Variants in DNAH2 observed in about 807,000 individuals in gnomAD.
DNAH2 encodes the protein axonemal beta dynein heavy chain 2.
DNAH2 carries 323 observed loss-of-function variants against 523.5 expected under a neutral mutation model. The ratio of observed to expected loss-of-function variants is 0.62; its 90% CI spans 0.56 to 0.68. The LOEUF (loss-of-function observed/expected upper bound fraction) is 0.68, where lower values mean the gene tolerates loss of function less well. Ranked by LOEUF, DNAH2 falls within the 30% of genes least tolerant of loss-of-function variation. The pLI, the probability that DNAH2 is intolerant of heterozygous loss-of-function variation, is 0.00. For missense variants in DNAH2, 4,907 were observed against 5,701.5 expected, an observed-to-expected ratio of 0.86 and a Z score of 4.49; for synonymous variants, 2,093 against 2,177.4, an observed-to-expected ratio of 0.96 and a Z score of 1.08.
chr17:7,755,413 C>A (rs1162042818), intron 12 of DNAH2, among the ~76,000 whole-genome samples: 1 of 152,088 alleles, frequency 6.6e-6, no homozygotes, highest in Non-Finnish European at 1.5e-5. Flanking sequence ...TTAGCCAGCA[C>A]TGGCGTTTTG....
At chr17:7,746,843 C>T (rs1484524181) in intron 12 of DNAH2, among the ~76,000 whole-genome samples, 1 of 152,066 alleles carries the variant, frequency 6.6e-6, no homozygotes, top group East Asian at 1.9e-4. Context: ...AAAAATTAGC[C>T]AGGCATGGTG....
Position 7,780,322 on chromosome 17 carries a change from T to C in DNAH2, c.5850+38T>C, listed in dbSNP as rs1317795396. The C allele has an allele frequency of 6.2e-7, 1 of 1,613,534 alleles. No individual in the cohort carries two copies. The highest frequency in any genetic ancestry group is 1.3e-5 in the African/African-American group (1 of 74,974). On this transcript the variant is annotated intron_variant, in intron 37 of 85. Coordinates refer to ENST00000572933, the MANE Select transcript of DNAH2 (RefSeq NM_020877.5). The surrounding 1 kb of genome is among the most constrained non-coding windows in gnomAD (Gnocchi z 4.4). ...CCCCTTTTCTCCAGTGATTTTAATTTCCTTTCATAATTATTCCCTGGACAG... is the reference window on the plus strand; with the variant it reads ...CCCCTTTTCTCCAGTGATTTTAATTCCCTTTCATAATTATTCCCTGGACAG...
At position 7,798,885 on chromosome 17, in the gene DNAH2, G is replaced by A. The variant is rs2077143377; in HGVS notation, c.8559+167G>A. Among the ~76,000 whole-genome samples the A allele has an allele frequency of 6.6e-6, 1 of 152,202 alleles. No homozygotes were observed. Among genetic ancestry groups the A allele is most frequent in the South Asian group, 2.1e-4 (1 of 4,826 alleles). ...AGGTCCCCTCCAGGGACCCTGGGCA[G>A]AGCTGCTTTAAAACCCACGCTTCAG... On this transcript the variant is annotated intron_variant, in intron 55 of 85. Coordinates refer to ENST00000572933, the MANE Select transcript of DNAH2 (RefSeq NM_020877.5). This position sits in a 1 kb window ranked among gnomAD's most constrained non-coding sequence, Gnocchi z 5.5.
At chr17:7,731,904 T>A (rs1216554326) in intron 4 of DNAH2, among the ~76,000 whole-genome samples, 4 of 151,540 alleles carry the variant, frequency 2.6e-5, no homozygotes, top group African/African-American at 9.7e-5. Flanking sequence ...TGGCACATGC[T>A]TGTAATCCTA....
chr17:7,731,678 A>G lies in DNAH2; in HGVS notation c.400-1409A>G, dbSNP rs574673992. 9.9e-5 allele frequency among the ~76,000 whole-genome samples: 15 copies of G among 152,264 alleles called. No individual in the cohort carries two copies. The South Asian group carries it at 3.1e-3, about 32-fold the overall frequency. ...CTTTGTAGTTTTCTGCATTGTTTCA[A>G]TTATTTATATTTAACGTATGTCATC... On this transcript the variant is annotated intron_variant, in intron 4 of 85. Coordinates refer to ENST00000572933, the MANE Select transcript of DNAH2 (RefSeq NM_020877.5).
chr17:7,727,627 A>T (rs956765643), intron 4 of DNAH2, among the ~76,000 whole-genome samples: 1 of 151,944 alleles, frequency 6.6e-6, no homozygotes. Context: ...GTGGTGGTGC[A>T]CACCTGTAAT....
At chr17:7,726,002 ATTTG>A (rs1042121506) in intron 3 of DNAH2, among the ~76,000 whole-genome samples, 8 of 151,408 alleles carry the variant, frequency 5.3e-5, no homozygotes, top group East Asian at 1.9e-4. Context: ...TCCTTTATTT[ATTTG>A]TTTGTTTATT....
At position 7,780,827 on chromosome 17, in the gene DNAH2, G is replaced by A. The variant is rs777140447; in HGVS notation, c.6003+45G>A. The A allele has an allele frequency of 1.2e-6, 2 of 1,612,458 alleles. No individual in the cohort carries two copies. Among genetic ancestry groups the A allele is most frequent in the Non-Finnish European group, 1.7e-6 (2 of 1,179,224 alleles). On this transcript the variant is annotated intron_variant, in intron 38 of 85. Transcript: ENST00000572933. The surrounding 1 kb of genome is among the most constrained non-coding windows in gnomAD (Gnocchi z 4.4). ...TTTGGACCTGACTTCCACTGTCACT[G>A]GACCTATGTCACTTCTCTCAAGTCT...
At chr17:7,818,216 G>T in intron 68 of DNAH2, 96 bp from the exon 69 acceptor site, 1 of 1,595,928 alleles carries the variant, frequency 6.3e-7, no homozygotes, top group African/African-American at 1.3e-5. Context: ...GGGGCCTTAG[G>T]ACAGGCTGAG....
In DNAH2 at chr17:7,828,238, T is replaced by G. The variant is rs1344805242; in HGVS notation, c.11854-2062T>G. 2.0e-5 allele frequency among the ~76,000 whole-genome samples: 3 copies of G among 152,130 alleles called. No homozygotes were observed. Among genetic ancestry groups the G allele is most frequent in the South Asian group, 4.1e-4 (2 of 4,834 alleles). On this transcript the variant is annotated intron_variant, in intron 77 of 85. Coordinates refer to ENST00000572933, the MANE Select transcript of DNAH2 (RefSeq NM_020877.5). The surrounding 1 kb of genome is among the most constrained non-coding windows in gnomAD (Gnocchi z 4.1). ...CATGCTGATATACTTTAGTCTTAAT[T>G]ACCATATAGCTTTATAATAATTCTT...
chr17:7,764,325 G>A (rs1184996183), intron 20 of DNAH2, 52 bp downstream of exon 20: 11 of 1,555,318 alleles, frequency 7.1e-6, no homozygotes, highest in Non-Finnish European at 9.6e-6. Flanking sequence ...GCAGCAGATT[G>A]CGGGGGAGGC....
chr17:7,830,583 C>G (rs1049868018), intron 78 of DNAH2, 75 bp from the exon 79 acceptor site: 10 of 1,606,790 alleles, frequency 6.2e-6, no homozygotes, highest in Non-Finnish European at 7.7e-6. Flanking sequence ...GGACACAAAG[C>G]CTGTGTTGAA....
At chr17:7,804,520 G>A (rs1567728259) in intron 59 of DNAH2, 54 bp downstream of exon 59, 1 of 1,587,114 alleles carries the variant, frequency 6.3e-7, no homozygotes, top group Non-Finnish European at 8.6e-7. Context: ...GCCGGCTACT[G>A]CGTCAGGGAA....
At position 7,739,812 on chromosome 17, in the gene DNAH2, G is replaced by A; in HGVS notation, c.1250G>A (p.Gly417Glu). 2 of 1,613,892 alleles carry A rather than the reference G, an allele frequency of 1.2e-6. No individual in the cohort carries two copies. The highest frequency in any genetic ancestry group is 1.3e-5 in the African/African-American group (1 of 74,942). Reference sequence around the variant, plus strand: ...CTTCCTTGCTTCTTTGGTGCCCAGGGGCCACAGATAACACGGAACTTGCTG... The same window carrying A: ...CTTCCTTGCTTCTTTGGTGCCCAGGAGCCACAGATAACACGGAACTTGCTG... Reference protein sequence around the residue: ...GPLPCFFGAQGPQITRNLLEI... With the variant: ...GPLPCFFGAQEPQITRNLLEI... The change falls in exon 9 of 86, where the codon GGG (glycine) becomes GAG (glutamate). Residue 417 changes from glycine to glutamate, a missense_variant. This residue lies in a region of DNAH2 where 2,806 missense variants were observed against 3,190.8 expected (regional missense o/e 0.88). Coordinates refer to ENST00000572933, the MANE Select transcript of DNAH2 (RefSeq NM_020877.5).
At position 7,817,900 on chromosome 17, in the gene DNAH2, C is replaced by T. The variant is rs754182711; in HGVS notation, c.10236+44C>T. On this transcript the variant is annotated intron_variant, in intron 67 of 85. Transcript: ENST00000572933. ...AGGTTAGCCCCCCCCTTCCTGAGGC[C>T]CCACCTCTCCCGTAGTGTTCCTTCA... The T allele has an allele frequency of 1.9e-5, 31 of 1,613,992 alleles. No individual in the cohort carries two copies. In the South Asian group the frequency reaches 2.7e-4, roughly 14 times the overall value.
intron 44 of DNAH2, among the ~76,000 whole-genome samples, chr17:7,790,001 C>T (rs775412540): frequency 2.0e-5 from 3 of 152,172 alleles, no homozygotes; most frequent in Non-Finnish European, 2.9e-5. Flanking sequence ...TCTCCACCCA[C>T]GGGCCTGTGT....
At chr17:7,741,762 C>T (rs537490865) in intron 11 of DNAH2, among the ~76,000 whole-genome samples, 1 of 151,886 alleles carries the variant, frequency 6.6e-6, no homozygotes, top group South Asian at 2.1e-4. Flanking sequence ...CCTCCCAGGT[C>T]CAAGCGATTC....
intron 63 of DNAH2, among the ~76,000 whole-genome samples, chr17:7,815,364 G>T (rs2077630560): frequency 6.6e-6 from 1 of 152,250 alleles, no homozygotes; most frequent in African/African-American, 2.4e-5. Flanking sequence ...CAGTGAGGTG[G>T]CAGCGGGAAA....
Position 7,832,733 on chromosome 17 carries a change from A to G in DNAH2, c.12881A>G (p.Gln4294Arg). Residue 4294 changes from glutamine to arginine, a missense_variant, in exon 83 of 86, where the codon CAG (glutamine) becomes CGG (arginine). This residue lies in a region of DNAH2 where 1,851 missense variants were observed against 2,139.4 expected (regional missense o/e 0.87). Coordinates refer to ENST00000572933, the MANE Select transcript of DNAH2 (RefSeq NM_020877.5). This position sits in a 1 kb window ranked among gnomAD's most constrained non-coding sequence, Gnocchi z 4.3. ...ACTGGCTTCCTCACTGCTGTGCTGC[A>G]GTCTTCAGCTCGCCAAAACAACGTG... is the stretch of plus-strand genomic sequence containing the variant. The part of the protein sequence containing the change: ...FPTGFLTAVL[Q>R]SSARQNNVSV... 1 of 1,614,058 alleles carries G rather than the reference A, an allele frequency of 6.2e-7. No individual in the cohort carries two copies. The highest frequency in any genetic ancestry group is 1.1e-5 in the South Asian group (1 of 91,082).
Sources: gnomAD v4.1 joint callset for allele counts (sites outside exome capture counted in the v4.1 genomes callset) on GRCh38, gnomAD v4.1.1 for gene constraint, gnomAD v4.1.1 regional missense constraint, Gnocchi (gnomAD v3.1) non-coding constraint, MANE v1.5 for transcripts, NCBI Gene and HGNC (gene_info 2026-07-23, HGNC 2026-07-21) for gene names.